The following ZBTB17 variants were observed in gnomAD, a reference collection of about 807,000 sequenced individuals.
ZBTB17 encodes the protein zinc finger and BTB domain containing 17.
A neutral mutation model predicts 85.1 loss-of-function variants in ZBTB17; 24 were observed. The ratio of observed to expected loss-of-function variants is 0.28; its 90% CI spans 0.20 to 0.40. The LOEUF (loss-of-function observed/expected upper bound fraction) is 0.40. Among genes scored for constraint, ZBTB17 ranks in the 10% least tolerant of loss-of-function variants. The probability of loss-of-function intolerance (pLI) is 1.00; values close to 1 mark genes in which losing one functional copy is unlikely to be tolerated. For synonymous variants in ZBTB17, 464 were observed against 460.2 expected (o/e 1.01, Z -0.11); for missense variants, 743 against 1,105.1 (o/e 0.67, Z 4.65).
Position 15,952,010 on chromosome 1 carries a change from A to G in ZBTB17, c.-2-3513T>C, listed in dbSNP as rs962300937. 4.6e-5 allele frequency among the ~76,000 whole-genome samples: 7 copies of G among 152,160 alleles called. No individual in the cohort carries two copies. ...GGAATACGGTGCCCATCGCTCAAGC[A>G]CAAGTGTCAAGGTCTGTGGTCTTGT... is the stretch of plus-strand genomic sequence containing the variant. On this transcript the variant is annotated intron_variant, in intron 2 of 15. Transcript: ENST00000375743. The surrounding 1 kb of genome is among the most constrained non-coding windows in gnomAD (Gnocchi z 4.3).
Position 15,944,304 on chromosome 1 carries a change from T to G in ZBTB17, c.1367A>C (p.Asn456Thr). The change falls in exon 9 of 16, where the codon AAC becomes ACC. Residue 456 changes from asparagine to threonine, a missense_variant. By Grantham distance (65) the Asn-to-Thr change is moderately conservative. Transcript: ENST00000375743. ...HKCPHCDKKF[N>T]QVGNLKAHLK... ...TTCCGGGAGGGGTCCGCACACCTGG[T>G]TGAACTTCTTGTCGCAGTGTGGGCA... The G allele has an allele frequency of 1.3e-6, 2 of 1,551,776 alleles. No individual in the cohort carries two copies. The highest frequency in any genetic ancestry group is 1.7e-6 in the Non-Finnish European group (2 of 1,147,454).
At position 15,954,015 on chromosome 1, in the gene ZBTB17, T is replaced by C. The variant is rs972627780; in HGVS notation, c.-2-5518A>G. 4.6e-5 allele frequency among the ~76,000 whole-genome samples: 7 copies of C among 152,292 alleles called. No homozygotes were observed. The South Asian group carries it at 1.4e-3, about 32-fold the overall frequency. Reference sequence around the variant, plus strand: ...TTGACCTTGTTAAGAGGTGTAATCATAACCCATCACTCCTAAATGCAATCT... The same window carrying C: ...TTGACCTTGTTAAGAGGTGTAATCACAACCCATCACTCCTAAATGCAATCT... On this transcript the variant is annotated intron_variant, in intron 2 of 15. Coordinates refer to ENST00000375743, the MANE Select transcript of ZBTB17 (RefSeq NM_003443.3).
chr1:15,975,751 C>G (rs1249116698), intron 1 of ZBTB17, among the ~76,000 whole-genome samples: 1 of 152,030 alleles, frequency 6.6e-6, no homozygotes, highest in Non-Finnish European at 1.5e-5. Flanking sequence ...CCCCCTCGCC[C>G]GGGCGGTCGC....
chr1:15,944,088 AC>A (rs753470727), intron 9 of ZBTB17, 193 bp from the exon 10 acceptor site: 2 of 1,002,448 alleles, frequency 2.0e-6, no homozygotes, highest in South Asian at 2.8e-5. Flanking sequence ...TTTTTTCAGG[AC>A]CAAACCCCGC....
chr1:15,956,980 ACCAG>A (rs2072065335), intron 2 of ZBTB17, among the ~76,000 whole-genome samples: 1 of 152,048 alleles, frequency 6.6e-6, no homozygotes, highest in African/African-American at 2.4e-5. Context: ...GGAGTTCAAG[ACCAG>A]CCTGGCCGAC....
In ZBTB17 at chr1:15,942,045, C is replaced by G; in HGVS notation, c.2336G>C (p.Arg779Pro). ...LQAGELVFRP[R>P]DGAEGQPALA... ...TGCGGGCTGGCCCTCAGCCCCGTCGCGAGGGCGGAAGACCAGCTCCCCAGC... is the reference window on the plus strand; with the variant it reads ...TGCGGGCTGGCCCTCAGCCCCGTCGGGAGGGCGGAAGACCAGCTCCCCAGC... The change falls in exon 16 of 16, where the codon CGC becomes CCC. Residue 779 changes from arginine to proline, a missense_variant. Arg to Pro is a moderately radical substitution (Grantham distance 103). Transcript: ENST00000375743. The G allele has an allele frequency of 1.9e-6, 3 of 1,611,878 alleles. No homozygotes were observed. Among genetic ancestry groups the G allele is most frequent in the Non-Finnish European group, 2.5e-6 (3 of 1,179,988 alleles).
At chr1:15,946,121 G>C in intron 5 of ZBTB17, 33 bp downstream of exon 5, 1 of 1,601,724 alleles carries the variant, frequency 6.2e-7, no homozygotes, top group Non-Finnish European at 8.5e-7. Context: ...GAGGTGACAG[G>C]ACAGCCGGCT....
intron 2 of ZBTB17, among the ~76,000 whole-genome samples, chr1:15,967,290 C>T (rs1414736664): frequency 2.0e-5 from 3 of 151,736 alleles, no homozygotes; most frequent in African/African-American, 4.8e-5. Flanking sequence ...TCAGGAAGAT[C>T]GCTTGAGCCA....
chr1:15,945,158 C>T lies in ZBTB17; in HGVS notation c.706G>A (p.Glu236Lys). Residue 236 changes from glutamate to lysine, a missense_variant, in exon 7 of 16, where the codon GAG becomes AAG. Physicochemically the swap from Glu to Lys is moderately conservative, Grantham distance 56. Coordinates refer to ENST00000375743, the MANE Select transcript of ZBTB17 (RefSeq NM_003443.3). ...CCCTCCTCCTCTTGCTCCTCTTGCT[C>T]CTTTTGCTCCTCTTCCCCTTTCCGG... is the stretch of plus-strand genomic sequence containing the variant. The part of the protein sequence containing the change: ...PARKGEEEQK[E>K]QEEQEEEGAG... 1.3e-6 allele frequency: 2 copies of T among 1,576,532 alleles called. No homozygotes were observed. The highest frequency in any genetic ancestry group is 1.7e-6 in the Non-Finnish European group (2 of 1,160,442).
intron 9 of ZBTB17, 131 bp from the exon 10 acceptor site, chr1:15,944,026 G>T: frequency 1.0e-6 from 1 of 1,003,736 alleles, no homozygotes; most frequent in Non-Finnish European, 1.5e-6. Context: ...ATCTCTCCTG[G>T]GTCAGGAGAG....
intron 2 of ZBTB17, among the ~76,000 whole-genome samples, chr1:15,954,124 T>G (rs1014932181): frequency 1.3e-5 from 2 of 152,164 alleles, no homozygotes; most frequent in African/African-American, 4.8e-5. Context: ...CTAGAGCTAT[T>G]GTCTCTGCCA....
rs752776426 is a variant in ZBTB17, at chr1:15,945,029, C to T, written c.835G>A (p.Glu279Lys). The T allele has an allele frequency of 6.2e-7, 1 of 1,606,834 alleles. No individual in the cohort carries two copies. Among genetic ancestry groups the T allele is most frequent in the Admixed American group, 1.7e-5 (1 of 59,368 alleles). The change falls in exon 7 of 16, where the codon GAG becomes AAG. Residue 279 changes from glutamate (E) to lysine (K), a missense_variant. Coordinates refer to ENST00000375743, the MANE Select transcript of ZBTB17 (RefSeq NM_003443.3). ...EESAGTDSGQ[E>K]LGSEARGLRS... is the part of the protein sequence containing the mutation. ...AGGCCCCGGGCCTCGGAGCCGAGCT[C>T]CTGCCCCGAGTCTGTGCCCGCTGAC...
At chr1:15,959,487 G>A (rs1039811138) in intron 2 of ZBTB17, among the ~76,000 whole-genome samples, 3 of 139,654 alleles carry the variant, frequency 2.1e-5, no homozygotes, top group African/African-American at 7.9e-5. Flanking sequence ...AAAAGAGGAG[G>A]GAAGGGAAGG....
chr1:15,942,500 G>T, intron 14 of ZBTB17, 29 bp downstream of exon 14: 1 of 1,610,106 alleles, frequency 6.2e-7, no homozygotes, highest in Non-Finnish European at 8.5e-7. Context: ...AGCTGCCTGT[G>T]ACTTCCCTCT....
chr1:15,943,876 T>C lies in ZBTB17; in HGVS notation c.1391A>G (p.His464Arg). Reference protein sequence around the residue: ...KFNQVGNLKAHLKIHIADGPL... With the variant: ...KFNQVGNLKARLKIHIADGPL... ...CCCGTCAGCGATGTGGATCTTCAGG[T>C]GGGCCTTCAGGTTCCCTACCTGTGC... The change falls in exon 10 of 16, where the codon CAC becomes CGC. Residue 464 changes from histidine (H) to arginine (R), a missense_variant. This residue lies in a region of ZBTB17 where 321 missense variants were observed against 615.7 expected (regional missense o/e 0.52). Transcript: ENST00000375743. The C allele has an allele frequency of 6.2e-7, 1 of 1,606,384 alleles. No homozygotes were observed. Among genetic ancestry groups the C allele is most frequent in the Non-Finnish European group, 8.5e-7 (1 of 1,176,902 alleles).
At position 15,943,821 on chromosome 1, in the gene ZBTB17, C is replaced by T; in HGVS notation, c.1446G>A (p.Gln482=). 6.2e-7 allele frequency: 1 copy of T among 1,612,228 alleles called. No individual in the cohort carries two copies. Among genetic ancestry groups the T allele is most frequent in the East Asian group, 2.2e-5 (1 of 44,812 alleles). Residue 482 remains glutamine (Q), a synonymous_variant, in exon 10 of 16, where the codon CAG becomes CAA. Transcript: ENST00000375743. The part of the protein sequence containing the change: ...GPLKCRECGK[Q]FTTSGNLKRH... Reference sequence around the variant, plus strand: ...CCCTGGCCCTACCTGAGGTGGTGAACTGCTTCCCACACTCTCGGCACTTGA... The same window carrying T: ...CCCTGGCCCTACCTGAGGTGGTGAATTGCTTCCCACACTCTCGGCACTTGA...
chr1:15,962,979 A>C (rs1023781994), intron 2 of ZBTB17, among the ~76,000 whole-genome samples: 1 of 152,142 alleles, frequency 6.6e-6, no homozygotes, highest in Non-Finnish European at 1.5e-5. Flanking sequence ...AAGCAAATCC[A>C]AGGCTGGGCA....
chr1:15,967,908 T>C (rs1419545254), intron 2 of ZBTB17, among the ~76,000 whole-genome samples: 2 of 152,230 alleles, frequency 1.3e-5, no homozygotes, highest in African/African-American at 4.8e-5. Context: ...GGAGTTTGTG[T>C]TCCTAACTGC....
Position 15,951,667 on chromosome 1 carries a change from C to T in ZBTB17, c.-2-3170G>A, listed in dbSNP as rs1410851501. Among the ~76,000 whole-genome samples, 1 of 152,166 alleles carries T rather than the reference C, an allele frequency of 6.6e-6. No individual in the cohort carries two copies. Among genetic ancestry groups the T allele is most frequent in the Non-Finnish European group, 1.5e-5 (1 of 68,016 alleles). Reference sequence around the variant, plus strand: ...GCTGAGCTAGAACTAGGCAGTCCCCCACCTCCAACCCACGTGAACTGCTCT... The same window carrying T: ...GCTGAGCTAGAACTAGGCAGTCCCCTACCTCCAACCCACGTGAACTGCTCT... On this transcript the variant is annotated intron_variant, in intron 2 of 15. Transcript: ENST00000375743. This position sits in a 1 kb window ranked among gnomAD's most constrained non-coding sequence, Gnocchi z 4.1.
Sources: allele counts gnomAD v4.1 joint callset (sites outside exome capture counted in the v4.1 genomes callset), GRCh38; gene constraint gnomAD v4.1.1; regional missense constraint gnomAD v4.1.1; non-coding constraint Gnocchi (gnomAD v3.1); transcripts MANE v1.5; gene names NCBI Gene and HGNC (gene_info 2026-07-23, HGNC 2026-07-21).